The following FMN1 variants were observed in gnomAD, a reference collection of about 807,000 sequenced individuals.
FMN1 encodes formin 1.
In FMN1, 110 loss-of-function variants were observed where a neutral mutation model predicts 132.4. The observed-to-expected ratio is 0.83, with a 90% CI of 0.71 to 0.97. The LOEUF is 0.97. Ranked by LOEUF, FMN1 falls within the 50% of genes least tolerant of loss-of-function variation. The pLI is 0.00. For missense variants in FMN1, 1,792 were observed against 1,705.3 expected (o/e 1.05, Z -0.90); for synonymous variants, 722 against 651.7 (o/e 1.11, Z -1.64).
At chr15:33,025,319 A>C (rs2035615395) in intron 6 of FMN1, among the ~76,000 whole-genome samples, 1 of 152,216 alleles carries the variant, frequency 6.6e-6, no homozygotes, top group Non-Finnish European at 1.5e-5. Flanking sequence ...TGACTGACAC[A>C]ATCAACAATC....
intron 17 of FMN1, among the ~76,000 whole-genome samples, chr15:32,846,723 G>A (rs1159513945): frequency 6.6e-6 from 1 of 152,124 alleles, no homozygotes; most frequent in African/African-American, 2.4e-5. Context: ...ATACCCAAAG[G>A]ATTATAAATC....
intron 11 of FMN1, among the ~76,000 whole-genome samples, chr15:32,910,087 T>C (rs1249026743): frequency 6.6e-6 from 1 of 152,240 alleles, no homozygotes; most frequent in Non-Finnish European, 1.5e-5. Flanking sequence ...TCAACTCATT[T>C]GGACTAAGAG....
At position 32,798,216 on chromosome 15, in the gene FMN1, A is replaced by ACACACC. The variant is rs1286307994; in HGVS notation, c.4130+587_4130+588insGGTGTG. Among the ~76,000 whole-genome samples, 1,026 of 140,956 alleles carry ACACACC rather than the reference A, an allele frequency of 7.3e-3. 19 individuals carry two copies. The highest frequency in any genetic ancestry group is 0.025 in the African/African-American group (961 of 38,528). The allele number at this position is 140,956 out of a possible 152,430, so 92.5% of individuals were successfully genotyped here. ...CACACACACACACACACACACACAC[A>ACACACC]CCCCGTCTATATTCAGAGTTGAGGT... On this transcript the variant is annotated intron_variant, in intron 19 of 20. Transcript: ENST00000616417.
At chr15:32,949,587 A>T (rs370431478) in intron 9 of FMN1, among the ~76,000 whole-genome samples, 5 of 152,138 alleles carry the variant, frequency 3.3e-5, no homozygotes, top group Non-Finnish European at 7.4e-5. Context: ...TGTAAAACCC[A>T]AAACTATAAA....
intron 6 of FMN1, among the ~76,000 whole-genome samples, chr15:33,057,991 C>T (rs533014605): frequency 6.6e-6 from 1 of 151,670 alleles, no homozygotes; most frequent in African/African-American, 2.4e-5. Context: ...TATGATGGGG[C>T]TGGTGGTGGA....
intron 17 of FMN1, among the ~76,000 whole-genome samples, chr15:32,821,143 T>TAG (rs2058205320): frequency 1.4e-5 from 2 of 144,046 alleles, no homozygotes; most frequent in Non-Finnish European, 3.1e-5. Flanking sequence ...TCAGATTTTC[T>TAG]AAGAGATAAT....
Position 32,888,152 on chromosome 15 carries a change from A to G in FMN1, c.3835+20T>C. 1 of 1,589,788 alleles carries G rather than the reference A, an allele frequency of 6.3e-7. No individual in the cohort carries two copies. Among genetic ancestry groups the G allele is most frequent in the Non-Finnish European group, 8.5e-7 (1 of 1,169,874 alleles). On this transcript the variant is annotated intron_variant, in intron 16 of 20. Coordinates refer to ENST00000616417, the MANE Select transcript of FMN1 (RefSeq NM_001277313.2). ...AAGTAATCTTAGCTATTATCATAAT[A>G]GCAGAACAGTTCCTATTACCTTCTA...
At chr15:32,840,338 C>T (rs574105427) in intron 17 of FMN1, among the ~76,000 whole-genome samples, 1 of 152,210 alleles carries the variant, frequency 6.6e-6, no homozygotes, top group East Asian at 1.9e-4. Flanking sequence ...TGATCATATT[C>T]CCAGGAGGAG....
chr15:33,030,133 G>T (rs576746671), intron 6 of FMN1, among the ~76,000 whole-genome samples: 2 of 152,216 alleles, frequency 1.3e-5, no homozygotes, highest in Middle Eastern at 3.2e-3. Flanking sequence ...ACTCCAGCCT[G>T]GGCGACAGAG....
At chr15:32,950,788 T>C (rs950489215) in intron 9 of FMN1, among the ~76,000 whole-genome samples, 4 of 152,178 alleles carry the variant, frequency 2.6e-5, no homozygotes, top group African/African-American at 9.7e-5. Flanking sequence ...CAAACCCCCA[T>C]GACACAACTT....
chr15:32,780,771 G>A (rs891948423), intron 19 of FMN1, among the ~76,000 whole-genome samples: 1 of 152,178 alleles, frequency 6.6e-6, no homozygotes, highest in Non-Finnish European at 1.5e-5. Flanking sequence ...AACCGGTGGG[G>A]TCCTGTATCA....
At chr15:33,140,265 T>C (rs545176454) in intron 4 of FMN1, among the ~76,000 whole-genome samples, 14 of 151,050 alleles carry the variant, frequency 9.3e-5, no homozygotes, top group African/African-American at 2.7e-4. Context: ...TTTAATTAAA[T>C]TGAGAGCGGG....
At chr15:33,009,173 A>G (rs773371113) in intron 6 of FMN1, among the ~76,000 whole-genome samples, 1 of 152,152 alleles carries the variant, frequency 6.6e-6, no homozygotes, top group Non-Finnish European at 1.5e-5. Context: ...AATCCAAATC[A>G]TACCTCGAAT....
chr15:33,173,223 A>G (rs1020631268), intron 3 of FMN1, among the ~76,000 whole-genome samples: 8 of 152,196 alleles, frequency 5.3e-5, no homozygotes, highest in Non-Finnish European at 1.2e-4. Flanking sequence ...TACAAGGAGG[A>G]GGACATAATT....
intron 19 of FMN1, among the ~76,000 whole-genome samples, chr15:32,779,423 G>C (rs554117196): frequency 1.2e-4 from 19 of 152,318 alleles, no homozygotes; most frequent in African/African-American, 4.6e-4. Flanking sequence ...TTAACTGTTT[G>C]TGAGGATGCA....
At chr15:32,834,019 T>C (rs1468136742) in intron 17 of FMN1, among the ~76,000 whole-genome samples, 1 of 152,226 alleles carries the variant, frequency 6.6e-6, no homozygotes, top group African/African-American at 2.4e-5. Context: ...CTCATCATTT[T>C]TTCTGATTCT....
At chr15:32,967,829 T>C (rs910532903) in intron 8 of FMN1, among the ~76,000 whole-genome samples, 1 of 152,256 alleles carries the variant, frequency 6.6e-6, no homozygotes, top group Non-Finnish European at 1.5e-5. Context: ...GTTATATAAA[T>C]TGAAGAATGC....
chr15:32,898,084 T>C (rs2060203103), intron 15 of FMN1, among the ~76,000 whole-genome samples: 1 of 152,162 alleles, frequency 6.6e-6, no homozygotes, highest in Non-Finnish European at 1.5e-5. Context: ...AGTGCCTCAC[T>C]TGTCTTCTGG....
At chr15:32,856,218 G>T (rs767530060) in intron 17 of FMN1, among the ~76,000 whole-genome samples, 1 of 152,178 alleles carries the variant, frequency 6.6e-6, no homozygotes, top group Non-Finnish European at 1.5e-5. Context: ...AGCATGTTGA[G>T]ATATCCCCCA....
Sources: allele counts gnomAD v4.1 joint callset (sites outside exome capture counted in the v4.1 genomes callset), GRCh38; gene constraint gnomAD v4.1.1; transcripts MANE v1.5; gene names NCBI Gene and HGNC (gene_info 2026-07-23, HGNC 2026-07-21).